TCF7L2: variants seen among roughly 807,000 people sequenced by gnomAD.
TCF7L2 encodes the protein transcription factor 7 like 2.
In TCF7L2, 23 loss-of-function variants were observed where a neutral mutation model predicts 77.9. The ratio of observed to expected loss-of-function variants is 0.30; its 90% CI spans 0.21 to 0.42. The LOEUF (loss-of-function observed/expected upper bound fraction) is 0.42. Ranked by LOEUF, TCF7L2 falls within the 10% of genes least tolerant of loss-of-function variation. The pLI, the probability that TCF7L2 is intolerant of heterozygous loss-of-function variation, is 1.00. For missense variants in TCF7L2, 654 were observed against 793.1 expected, an observed-to-expected ratio of 0.82 and a Z score of 2.11; for synonymous variants, 413 against 340.2, an observed-to-expected ratio of 1.21 and a Z score of -2.36.
chr10:112,968,088 GA>G (rs2037410087), intron 4 of TCF7L2, among the ~76,000 whole-genome samples: 2 of 152,224 alleles, frequency 1.3e-5, no homozygotes, highest in African/African-American at 2.4e-5. Context: ...GAACGTCCAT[GA>G]AACCATTACT....
intron 5 of TCF7L2, among the ~76,000 whole-genome samples, chr10:113,051,112 G>T: frequency 6.6e-6 from 1 of 151,788 alleles, no homozygotes; most frequent in East Asian, 1.9e-4. Context: ...TAGGCAAGGG[G>T]CAGATATGTG....
At chr10:113,076,135 C>CAAAAAA (rs34089010) in intron 5 of TCF7L2, among the ~76,000 whole-genome samples, 6 of 65,960 alleles carry the variant, frequency 9.1e-5, no homozygotes, top group Non-Finnish European at 1.1e-4. Context: ...GACTCCATCT[C>CAAAAAA]AAAAAAAAAA....
In TCF7L2 at chr10:113,105,629, A is replaced by G. The variant is rs1187559423; in HGVS notation, c.553-35555A>G. Among the ~76,000 whole-genome samples the G allele has an allele frequency of 3.3e-5, 5 of 152,176 alleles. No individual in the cohort carries two copies. In the East Asian group the frequency reaches 7.8e-4, roughly 24 times the overall value. ...GAGGTGCCCCGCACCTCACCTGTCT[A>G]GTGGGGTTTCCCACCACACTTCCAA... is the stretch of plus-strand genomic sequence containing the variant. On this transcript the variant is annotated intron_variant, in intron 5 of 13. Coordinates refer to ENST00000627217, the MANE Select transcript of TCF7L2 (RefSeq NM_001146274.2).
chr10:112,959,898 T>G (rs898959228), intron 3 of TCF7L2, among the ~76,000 whole-genome samples: 1 of 152,046 alleles, frequency 6.6e-6, no homozygotes, highest in Non-Finnish European at 1.5e-5. Context: ...ACATGGAAAT[T>G]AGATTTCAAG....
chr10:113,074,567 C>T (rs1041204080), intron 5 of TCF7L2, among the ~76,000 whole-genome samples: 7 of 152,164 alleles, frequency 4.6e-5, no homozygotes, highest in African/African-American at 1.7e-4. Flanking sequence ...CTGCTGACGG[C>T]TGCACACTCA....
At chr10:112,983,345 C>T (rs957107273) in intron 4 of TCF7L2, among the ~76,000 whole-genome samples, 1 of 151,926 alleles carries the variant, frequency 6.6e-6, no homozygotes. Flanking sequence ...GTGGTGGGCG[C>T]CTGTAGTCCC....
chr10:113,035,015 T>G (rs1198321215), intron 4 of TCF7L2, among the ~76,000 whole-genome samples: 1 of 151,802 alleles, frequency 6.6e-6, no homozygotes. Flanking sequence ...TTCCTTCCTT[T>G]CTTTTCTCTC....
intron 5 of TCF7L2, among the ~76,000 whole-genome samples, chr10:113,104,279 C>G (rs2062002281): frequency 6.6e-6 from 1 of 152,190 alleles, no homozygotes; most frequent in Non-Finnish European, 1.5e-5. Flanking sequence ...CTTTTGACTT[C>G]TCCTCTGTGA....
At chr10:113,124,230 A>G (rs1281847333) in intron 5 of TCF7L2, among the ~76,000 whole-genome samples, 3 of 152,166 alleles carry the variant, frequency 2.0e-5, no homozygotes, top group African/African-American at 4.8e-5. Flanking sequence ...TGCCATCTGT[A>G]TATACAGCAC....
At chr10:112,959,123 A>G (rs1047712677) in intron 3 of TCF7L2, among the ~76,000 whole-genome samples, 6 of 152,148 alleles carry the variant, frequency 3.9e-5, no homozygotes, top group African/African-American at 1.4e-4. Flanking sequence ...GTTTTTCTCA[A>G]AAATCAACCC....
At position 113,166,427 on chromosome 10, in the gene TCF7L2, G is replaced by A; in HGVS notation, c.*455G>A. On this transcript the variant is annotated 3_prime_UTR_variant, in exon 14 of 14. Transcript: ENST00000627217. Reference sequence around the variant, plus strand: ...TTACATCTGGTTTTTAAACCGTAAGGGCACCATGAATGCAGTGCCGTTACT... The same window carrying A: ...TTACATCTGGTTTTTAAACCGTAAGAGCACCATGAATGCAGTGCCGTTACT... The A allele has an allele frequency of 4.4e-6, 1 of 227,072 alleles. No individual in the cohort carries two copies. Among genetic ancestry groups the A allele is most frequent in the East Asian group, 6.3e-5 (1 of 15,864 alleles). 14.1% of individuals were successfully genotyped at this position (227,072 alleles called of 1,614,324 possible).
At chr10:113,101,916 ATTGC>A (rs2061690786) in intron 5 of TCF7L2, among the ~76,000 whole-genome samples, 1 of 149,554 alleles carries the variant, frequency 6.7e-6, no homozygotes, top group Non-Finnish European at 1.5e-5. Flanking sequence ...AGGCGGGTGG[ATTGC>A]CTGAGCTCAG....
intron 5 of TCF7L2, among the ~76,000 whole-genome samples, chr10:113,097,648 A>G (rs112393134): frequency 0.011 from 410 of 37,550 alleles, 2 homozygotes; most frequent in Admixed American, 0.045. Flanking sequence ...TTGTCTCGGA[A>G]AAAAAAAAAA....
At chr10:113,094,402 C>G (rs1219108910) in intron 5 of TCF7L2, among the ~76,000 whole-genome samples, 1 of 152,102 alleles carries the variant, frequency 6.6e-6, no homozygotes, top group Non-Finnish European at 1.5e-5. Context: ...CTGTATTTTT[C>G]AGTACGTGGT....
chr10:113,051,682 A>G (rs569434118), intron 5 of TCF7L2, among the ~76,000 whole-genome samples: 16 of 152,366 alleles, frequency 1.1e-4, no homozygotes, highest in African/African-American at 3.6e-4. Flanking sequence ...AGAGGCTGGT[A>G]TGAAAGAAGG....
At chr10:113,073,429 G>T (rs1357867920) in intron 5 of TCF7L2, among the ~76,000 whole-genome samples, 7 of 149,394 alleles carry the variant, frequency 4.7e-5, no homozygotes, top group African/African-American at 1.7e-4. Flanking sequence ...ACTTTGGGAG[G>T]CTGAGGCAGA....
intron 5 of TCF7L2, among the ~76,000 whole-genome samples, chr10:113,097,418 C>T (rs932891352): frequency 4.6e-5 from 7 of 152,018 alleles, no homozygotes; most frequent in African/African-American, 1.7e-4. Context: ...TTTGGGAAGC[C>T]AAGGCGGGTG....
chr10:113,002,759 T>C (rs2044722326), intron 4 of TCF7L2, among the ~76,000 whole-genome samples: 1 of 152,188 alleles, frequency 6.6e-6, no homozygotes, highest in African/African-American at 2.4e-5. Flanking sequence ...TGCTTCTATT[T>C]TGAGACTTGT....
At chr10:112,959,837 G>A (rs2034607173) in intron 3 of TCF7L2, among the ~76,000 whole-genome samples, 1 of 152,066 alleles carries the variant, frequency 6.6e-6, no homozygotes, top group African/African-American at 2.4e-5. Flanking sequence ...AATGACCTAA[G>A]AAAAGGTCTT....
Sources: gnomAD v4.1 joint callset for allele counts (sites outside exome capture counted in the v4.1 genomes callset) on GRCh38, gnomAD v4.1.1 for gene constraint, MANE v1.5 for transcripts, NCBI Gene and HGNC (gene_info 2026-07-23, HGNC 2026-07-21) for gene names.